B3GLCT: variants seen among roughly 807,000 people sequenced by gnomAD.
B3GLCT encodes the protein beta-1,3-glucosyltransferase.
Under a neutral mutation model 63.4 loss-of-function variants are expected in B3GLCT, and 65 were observed. The observed-to-expected ratio is 1.03, with a 90% CI of 0.84 to 1.26. B3GLCT has a LOEUF of 1.26. B3GLCT is among the 50% of genes most tolerant of loss of function. The pLI is 0.00. For missense variants in B3GLCT, 577 were observed against 604.8 expected (o/e 0.95, Z 0.48); for synonymous variants, 233 against 219.2 (o/e 1.06, Z -0.55).
chr13:31,200,973 AT>A (rs770746081), intron 1 of B3GLCT, among the ~76,000 whole-genome samples: 14 of 149,012 alleles, frequency 9.4e-5, no homozygotes, highest in South Asian at 6.4e-4. Flanking sequence ...TCGCAAGGGC[AT>A]TTCCCCCCTT....
At chr13:31,300,166 C>T (rs1995970) in intron 12 of B3GLCT, among the ~76,000 whole-genome samples, 107,575 of 151,960 alleles carry the variant, frequency 0.71, 38,974 homozygotes, top group Middle Eastern at 0.8. Flanking sequence ...GTGTAGAATC[C>T]AGTGGCTCCT....
intron 4 of B3GLCT, among the ~76,000 whole-genome samples, chr13:31,244,690 T>C (rs1222062771): frequency 6.6e-6 from 1 of 152,190 alleles, no homozygotes; most frequent in Non-Finnish European, 1.5e-5. Context: ...AAGGTGCTAC[T>C]ACATCTAAGT....
At chr13:31,314,307 A>C (rs1874879626) in intron 12 of B3GLCT, among the ~76,000 whole-genome samples, 1 of 152,154 alleles carries the variant, frequency 6.6e-6, no homozygotes, top group South Asian at 2.1e-4. Context: ...ATGCATCTGG[A>C]AGAGCCGCAG....
At chr13:31,296,381 T>C (rs1277089467) in intron 12 of B3GLCT, among the ~76,000 whole-genome samples, 1 of 152,194 alleles carries the variant, frequency 6.6e-6, no homozygotes, top group Non-Finnish European at 1.5e-5. Flanking sequence ...AGGGCTCTCT[T>C]GGGTTGCAGG....
chr13:31,229,291 A>C lies in B3GLCT; in HGVS notation c.267A>C (p.Thr89=). The C allele has an allele frequency of 6.3e-7, 1 of 1,585,558 alleles. No individual in the cohort carries two copies. The highest frequency in any genetic ancestry group is 8.7e-7 in the Non-Finnish European group (1 of 1,153,984). ...TCTTAAAGCAGGCTGCAGATCTTAC[A>C]CAGGTACGTAGCGATGGCTGGGGGG... ...KSILKQAADL[T]QELPSVLLLH... is the part of the protein sequence containing the mutation. The change falls in exon 4 of 15, where the codon ACA becomes ACC. Residue 89 remains threonine, a synonymous_variant. Coordinates refer to ENST00000343307, the MANE Select transcript of B3GLCT (RefSeq NM_194318.4).
At chr13:31,253,374 G>A (rs948995863) in intron 6 of B3GLCT, among the ~76,000 whole-genome samples, 4 of 151,924 alleles carry the variant, frequency 2.6e-5, no homozygotes, top group South Asian at 2.1e-4. Context: ...GGTGGATCAC[G>A]AGGTCGGGAG....
chr13:31,327,709 T>A (rs1875703842), intron 14 of B3GLCT, among the ~76,000 whole-genome samples: 1 of 152,242 alleles, frequency 6.6e-6, no homozygotes, highest in African/African-American at 2.4e-5. Flanking sequence ...GTATAATAAA[T>A]GAATTCCTTC....
At chr13:31,223,173 TG>T (rs889670295) in intron 3 of B3GLCT, among the ~76,000 whole-genome samples, 182 bp downstream of exon 3, 3 of 152,208 alleles carry the variant, frequency 2.0e-5, no homozygotes, top group Non-Finnish European at 4.4e-5. Flanking sequence ...ACCTCTCAGA[TG>T]GGCATGTTGG....
chr13:31,225,520 A>G (rs1312649841), intron 3 of B3GLCT, among the ~76,000 whole-genome samples: 1 of 152,204 alleles, frequency 6.6e-6, no homozygotes, highest in Non-Finnish European at 1.5e-5. Context: ...AACTGTACTA[A>G]CTATACTAAC....
intron 8 of B3GLCT, among the ~76,000 whole-genome samples, chr13:31,273,724 T>C (rs938987660): frequency 5.3e-5 from 8 of 152,230 alleles, no homozygotes; most frequent in Admixed American, 1.3e-4. Flanking sequence ...AGCTTCTGCC[T>C]GTTGCTAGTG....
chr13:31,321,159 A>G (rs995213724), intron 13 of B3GLCT, among the ~76,000 whole-genome samples: 1 of 152,246 alleles, frequency 6.6e-6, no homozygotes, highest in African/African-American at 2.4e-5. Context: ...AAATCCATGA[A>G]CACAAGGCAC....
rs1230317374 is a variant in B3GLCT at position 31,200,686 on chromosome 13, A to G, written c.70+532A>G. Among the ~76,000 whole-genome samples the G allele has an allele frequency of 6.6e-5, 10 of 151,942 alleles. No individual in the cohort carries two copies. The East Asian group carries it at 1.9e-3, about 30-fold the overall frequency. ...TCCTGTTCGACCCCCGGGGGCGAGG[A>G]CTGCGGTCCCGGTGTCCGCGCGCCC... On this transcript the variant is annotated intron_variant, in intron 1 of 14. Coordinates refer to ENST00000343307, the MANE Select transcript of B3GLCT (RefSeq NM_194318.4).
Position 31,316,407 on chromosome 13 carries a change from T to TTTTATTTATATA in B3GLCT, c.1065-1158_1065-1157insTTATTTATATAT, listed in dbSNP as rs1239451482. Among the ~76,000 whole-genome samples, 3 of 40,870 alleles carry TTTTATTTATATA rather than the reference T, an allele frequency of 7.3e-5. No individual in the cohort carries two copies. The South Asian group carries it at 3.6e-3, about 48-fold the overall frequency. The allele number at this position is 40,870 out of a possible 152,430, so 26.8% of individuals were successfully genotyped here. A position where few individuals can be genotyped will look rare whatever the true frequency, so the allele number is the denominator to read the frequency against. The stretch of plus-strand genomic sequence containing the variant: ...TGGAATCAAGGAGATTTTGGAGGTT[T>TTTTATTTATATA]TATATATATATATATATATATATAA... On this transcript the variant is annotated intron_variant, in intron 12 of 14. Coordinates refer to ENST00000343307, the MANE Select transcript of B3GLCT (RefSeq NM_194318.4).
At chr13:31,255,007 C>T (rs532411818) in intron 6 of B3GLCT, among the ~76,000 whole-genome samples, 6 of 148,456 alleles carry the variant, frequency 4.0e-5, no homozygotes, top group African/African-American at 1.2e-4. Context: ...ACTGCACTCC[C>T]GCCCAGGTGA....
intron 3 of B3GLCT, among the ~76,000 whole-genome samples, chr13:31,227,104 C>G (rs547873975): frequency 6.6e-6 from 1 of 152,138 alleles, no homozygotes; most frequent in African/African-American, 2.4e-5. Context: ...ATTTATCCAT[C>G]TGGATTGATA....
At chr13:31,317,369 A>C (rs1325242569) in intron 12 of B3GLCT, among the ~76,000 whole-genome samples, 197 bp from the exon 13 acceptor site, 2 of 152,196 alleles carry the variant, frequency 1.3e-5, no homozygotes, top group Non-Finnish European at 2.9e-5. Context: ...CCAGTAATGT[A>C]CAGTGTTCAT....
intron 10 of B3GLCT, among the ~76,000 whole-genome samples, chr13:31,284,099 A>G (rs9600234): frequency 0.013 from 1,954 of 152,362 alleles, 54 homozygotes; most frequent in African/African-American, 0.045. Context: ...TGCTAATGAT[A>G]GAGTTTTAAA....
At chr13:31,200,915 C>A (rs1405024606) in intron 1 of B3GLCT, among the ~76,000 whole-genome samples, 1 of 152,102 alleles carries the variant, frequency 6.6e-6, no homozygotes, top group African/African-American at 2.4e-5. Context: ...CAGTGCTTGC[C>A]CGGTCTCCTG....
intron 4 of B3GLCT, among the ~76,000 whole-genome samples, chr13:31,245,907 C>A (rs1244660832): frequency 2.0e-5 from 3 of 152,022 alleles, no homozygotes; most frequent in African/African-American, 7.2e-5. Context: ...TCTAACATAC[C>A]ACATTGTTTG....
Sources: allele counts gnomAD v4.1 joint callset (sites outside exome capture counted in the v4.1 genomes callset), GRCh38; gene constraint gnomAD v4.1.1; transcripts MANE v1.5; gene names NCBI Gene and HGNC (gene_info 2026-07-23, HGNC 2026-07-21).